The following IL17RD variants were observed in gnomAD, a reference collection of about 807,000 sequenced individuals.
IL17RD encodes interleukin-17 receptor D.
A neutral mutation model predicts 80.5 loss-of-function variants in IL17RD; 52 were observed. The observed-to-expected ratio is 0.65, with a 90% CI of 0.52 to 0.81. The LOEUF (loss-of-function observed/expected upper bound fraction) is 0.81. Among genes scored for constraint, IL17RD ranks in the 40% least tolerant of loss-of-function variants. The probability of loss-of-function intolerance (pLI) is 0.00; values close to 1 mark genes in which losing one functional copy is unlikely to be tolerated. For missense variants in IL17RD, 1,024 were observed against 955.1 expected, an observed-to-expected ratio of 1.07 and a Z score of -0.95; for synonymous variants, 416 against 391.8, an observed-to-expected ratio of 1.06 and a Z score of -0.73.
intron 1 of IL17RD, among the ~76,000 whole-genome samples, chr3:57,149,296 CAA>C (rs111306706): frequency 1.7e-4 from 15 of 88,324 alleles, no homozygotes; most frequent in Admixed American, 2.6e-4. Context: ...AACTCCATCT[CAA>C]AAAAAAAAAA....
At chr3:57,096,726 T>C (rs1037071056) in intron 12 of IL17RD, among the ~76,000 whole-genome samples, 1 of 152,128 alleles carries the variant, frequency 6.6e-6, no homozygotes, top group African/African-American at 2.4e-5. Context: ...GTCAAGCGTT[T>C]AGGCCGGGCG....
chr3:57,107,257 T>C (rs1706985568), intron 5 of IL17RD, among the ~76,000 whole-genome samples: 1 of 151,966 alleles, frequency 6.6e-6, no homozygotes, highest in South Asian at 2.1e-4. Context: ...CGGGCACCTG[T>C]AGTCCCAGCT....
At chr3:57,108,252 G>A (rs769578590) in intron 5 of IL17RD, among the ~76,000 whole-genome samples, 5 of 151,734 alleles carry the variant, frequency 3.3e-5, no homozygotes, top group Non-Finnish European at 5.9e-5. Flanking sequence ...TAGAGACAGG[G>A]ACCATGTTGA....
At chr3:57,164,109 A>G (rs2060327541) in intron 1 of IL17RD, among the ~76,000 whole-genome samples, 1 of 152,136 alleles carries the variant, frequency 6.6e-6, no homozygotes, top group Admixed American at 6.5e-5. Context: ...ATTTCATCCC[A>G]TTTTTCATAT....
chr3:57,154,775 T>C (rs567148180), intron 1 of IL17RD, among the ~76,000 whole-genome samples: 3 of 152,320 alleles, frequency 2.0e-5, no homozygotes, highest in South Asian at 4.1e-4. Flanking sequence ...TGCTTAATTT[T>C]GGTAAAACTC....
rs190338386 is a variant in IL17RD, at chr3:57,150,104, C to T, written c.126+15057G>A. On this transcript the variant is annotated intron_variant, in intron 1 of 12. Coordinates refer to ENST00000296318, the MANE Select transcript of IL17RD (RefSeq NM_017563.5). Reference sequence around the variant, plus strand: ...ACTAATCTGGCAGCTTTTTTAAAAACTCAGATTCCTGGCCTTCCCCTGGAA... The same window carrying T: ...ACTAATCTGGCAGCTTTTTTAAAAATTCAGATTCCTGGCCTTCCCCTGGAA... 1.4e-4 allele frequency among the ~76,000 whole-genome samples: 21 copies of T among 152,274 alleles called. 1 individual carries two copies. The East Asian group carries it at 4.1e-3, about 29-fold the overall frequency.
intron 1 of IL17RD, among the ~76,000 whole-genome samples, chr3:57,124,354 G>C (rs1457681383): frequency 6.6e-6 from 1 of 152,120 alleles, no homozygotes; most frequent in Non-Finnish European, 1.5e-5. Flanking sequence ...ATGTAATTAA[G>C]TTCAAGTATC....
chr3:57,162,142 T>C (rs59676372), intron 1 of IL17RD, among the ~76,000 whole-genome samples: 12,228 of 152,302 alleles, frequency 0.08, 874 homozygotes, highest in African/African-American at 0.19. Flanking sequence ...TGGCTGGCTG[T>C]AGTCACCTTG....
In IL17RD at chr3:57,153,913, G is replaced by A. The variant is rs148199791; in HGVS notation, c.126+11248C>T. Among the ~76,000 whole-genome samples, 130 of 151,656 alleles carry A rather than the reference G, an allele frequency of 8.6e-4. 2 individuals carry two copies. The East Asian group carries it at 0.022, about 26-fold the overall frequency. On this transcript the variant is annotated intron_variant, in intron 1 of 12. Transcript: ENST00000296318. Reference sequence around the variant, plus strand: ...GCCTGCTTGAGGGGTTGGGGGGTTGGGATGGCAACAACTTCATCTTCCTGT... The same window carrying A: ...GCCTGCTTGAGGGGTTGGGGGGTTGAGATGGCAACAACTTCATCTTCCTGT...
intron 1 of IL17RD, among the ~76,000 whole-genome samples, chr3:57,136,985 T>C (rs1414406136): frequency 6.6e-6 from 1 of 152,104 alleles, no homozygotes; most frequent in African/African-American, 2.4e-5. Context: ...CAAGGGGTAA[T>C]TGAACAGAGG....
chr3:57,117,113 A>ATTT (rs11422909), intron 2 of IL17RD, among the ~76,000 whole-genome samples: 21 of 136,128 alleles, frequency 1.5e-4, no homozygotes, highest in Non-Finnish European at 2.3e-4. Context: ...AAGTTTAAGA[A>ATTT]TTTTTTTTTT....
intron 1 of IL17RD, chr3:57,164,864 C>G (rs2060335178): frequency 8.6e-7 from 1 of 1,159,330 alleles, no homozygotes; most frequent in Non-Finnish European, 1.1e-6. Flanking sequence ...GTGGGGCGCC[C>G]GGCCCAGCCC....
At chr3:57,111,368 G>T (rs1211722830) in intron 3 of IL17RD, among the ~76,000 whole-genome samples, 1 of 152,052 alleles carries the variant, frequency 6.6e-6, no homozygotes, top group Non-Finnish European at 1.5e-5. Flanking sequence ...CACATTTTAG[G>T]GTTTCAGAGT....
intron 1 of IL17RD, chr3:57,164,794 G>A: frequency 1.4e-6 from 1 of 696,392 alleles, no homozygotes; most frequent in Non-Finnish European, 1.8e-6. Context: ...GTGGCTCGGG[G>A]GATCCCAGCC....
intron 1 of IL17RD, among the ~76,000 whole-genome samples, chr3:57,129,306 G>A (rs1707559026): frequency 6.6e-6 from 1 of 152,166 alleles, no homozygotes; most frequent in Non-Finnish European, 1.5e-5. Context: ...CTTCACTCCA[G>A]AAGCCGAAAA....
chr3:57,100,480 T>G (rs1478762600), intron 11 of IL17RD, among the ~76,000 whole-genome samples: 4 of 152,196 alleles, frequency 2.6e-5, no homozygotes, highest in Non-Finnish European at 5.9e-5. Flanking sequence ...AGCATATTAA[T>G]AAGATATTAA....
chr3:57,117,940 GAGAC>G (rs753563374), intron 2 of IL17RD, among the ~76,000 whole-genome samples: 13 of 152,182 alleles, frequency 8.5e-5, no homozygotes, highest in African/African-American at 2.9e-4. Flanking sequence ...TAATGACTAA[GAGAC>G]AGGCATAGGT....
intron 1 of IL17RD, among the ~76,000 whole-genome samples, chr3:57,151,565 G>C (rs1483047195): frequency 6.6e-6 from 1 of 152,164 alleles, no homozygotes; most frequent in Non-Finnish European, 1.5e-5. Flanking sequence ...AAAGTGTTAT[G>C]AGGCTAAGAG....
chr3:57,134,210 C>A, intron 1 of IL17RD: 2 of 688,414 alleles, frequency 2.9e-6, no homozygotes, highest in Non-Finnish European at 5.5e-6. Context: ...TCTGGTTGGA[C>A]CCCAATAAGA....
Sources: allele counts gnomAD v4.1 joint callset (sites outside exome capture counted in the v4.1 genomes callset), GRCh38; gene constraint gnomAD v4.1.1; transcripts MANE v1.5; gene names NCBI Gene and HGNC (gene_info 2026-07-23, HGNC 2026-07-21).